Variants in SREBF2 observed in about 807,000 individuals in gnomAD.
The protein encoded by SREBF2 is sterol regulatory element binding transcription factor 2.
A neutral mutation model predicts 113.1 loss-of-function variants in SREBF2; 55 were observed. The observed-to-expected ratio is 0.49, with a 90% confidence interval of 0.39 to 0.61. The LOEUF (loss-of-function observed/expected upper bound fraction) is 0.61. Among genes scored for constraint, SREBF2 ranks in the 20% least tolerant of loss-of-function variants. The probability of loss-of-function intolerance (pLI) is 0.00; values close to 1 mark genes in which losing one functional copy is unlikely to be tolerated. For synonymous variants in SREBF2, 593 were observed against 605.7 expected, an observed-to-expected ratio of 0.98 and a Z score of 0.31; for missense variants, 1,349 against 1,487.4, an observed-to-expected ratio of 0.91 and a Z score of 1.53.
rs2076729475 is a variant in SREBF2 at position 41,833,255 on chromosome 22, T to G, written c.-16T>G. 14 of 1,517,576 alleles carry G rather than the reference T, an allele frequency of 9.2e-6. No individual in the cohort carries two copies. The highest frequency in any genetic ancestry group is 1.2e-5 in the Non-Finnish European group (14 of 1,133,076). The allele number at this position is 1,517,576 out of a possible 1,614,324, so 94.0% of individuals were successfully genotyped here. ...TGAGCGGGACGGCAGGGGGGGCTTC[T>G]GCGCTGAGCCGGGCGATGGACGACA... On this transcript the variant is annotated 5_prime_UTR_variant, in exon 1 of 19. Transcript: ENST00000361204. The surrounding 1 kb of genome is among the most constrained non-coding windows in gnomAD (Gnocchi z 4.1).
intron 16 of SREBF2, chr22:41,901,135 G>A (rs2077462542): frequency 8.1e-6 from 3 of 369,316 alleles, no homozygotes; most frequent in African/African-American, 4.3e-5. Context: ...CAGGAAACAG[G>A]AGGGCACCCA....
rs554355433 is a variant in SREBF2, at chr22:41,873,910, A to G, written c.980A>G (p.Lys327Arg). Reference protein sequence around the residue: ...PGGVKQLEPPKEGERRTTHNI... With the variant: ...PGGVKQLEPPREGERRTTHNI... ...GGAGTCAAGCAGCTTGAGCCCCCCA[A>G]AGAAGGAGAAAGGCGGACAACCCAT... The change falls in exon 5 of 19, where the codon AAA (lysine) becomes AGA (arginine). Residue 327 changes from lysine to arginine, a missense_variant. By Grantham distance (26) the Lys-to-Arg change is conservative. Around this residue, in one of 2 missense-constraint regions of SREBF2, gnomAD observed 699 missense variants for 843.3 expected, o/e 0.83. Coordinates refer to ENST00000361204, the MANE Select transcript of SREBF2 (RefSeq NM_004599.4). 1.9e-6 allele frequency: 3 copies of G among 1,614,184 alleles called. No homozygotes were observed. The highest frequency in any genetic ancestry group is 2.5e-6 in the Non-Finnish European group (3 of 1,180,032).
At chr22:41,884,567 G>A (rs566829658) in intron 10 of SREBF2, among the ~76,000 whole-genome samples, 35 of 152,268 alleles carry the variant, frequency 2.3e-4, no homozygotes, top group African/African-American at 7.9e-4. Flanking sequence ...TGCACTGTGC[G>A]CCTCTGAGTC....
chr22:41,854,738 A>C (rs1038979106), intron 1 of SREBF2, among the ~76,000 whole-genome samples: 2 of 151,656 alleles, frequency 1.3e-5, no homozygotes, highest in Non-Finnish European at 2.9e-5. Context: ...GTTTGGTGGT[A>C]CGTGCCTGTA....
chr22:41,873,702 TG>T, intron 4 of SREBF2, 95 bp from the exon 5 acceptor site: 1 of 1,248,746 alleles, frequency 8.0e-7, no homozygotes, highest in Non-Finnish European at 1.1e-6. Context: ...CTGCCAGGTC[TG>T]GCAGCACTTG....
chr22:41,839,761 C>T (rs1050104146), intron 1 of SREBF2, among the ~76,000 whole-genome samples: 15 of 152,116 alleles, frequency 9.9e-5, no homozygotes, highest in African/African-American at 3.6e-4. Context: ...TCTGTTTTAT[C>T]TACTCTTCAG....
At chr22:41,870,828 A>G (rs910882592) in intron 3 of SREBF2, 61 bp from the exon 4 acceptor site, 15 of 1,587,550 alleles carry the variant, frequency 9.4e-6, no homozygotes, top group Non-Finnish European at 1.2e-5. Flanking sequence ...GCAGTAAGAA[A>G]GGAATGCATA....
chr22:41,836,151 T>C (rs1602258759), intron 1 of SREBF2, among the ~76,000 whole-genome samples: 1 of 152,350 alleles, frequency 6.6e-6, no homozygotes, highest in East Asian at 1.9e-4. Flanking sequence ...AAAATAGTTA[T>C]ATACCGCACA....
chr22:41,846,225 G>T (rs1329137166), intron 1 of SREBF2, among the ~76,000 whole-genome samples: 1 of 152,208 alleles, frequency 6.6e-6, no homozygotes. Flanking sequence ...GAACAGAAAA[G>T]GATTTGTTAG....
At chr22:41,869,789 G>A (rs1467297571) in intron 3 of SREBF2, among the ~76,000 whole-genome samples, 1 of 151,788 alleles carries the variant, frequency 6.6e-6, no homozygotes, top group African/African-American at 2.4e-5. Context: ...CCAGCTGGGG[G>A]ACGTGTATTA....
chr22:41,834,875 C>T (rs140644998), intron 1 of SREBF2, among the ~76,000 whole-genome samples: 94 of 152,262 alleles, frequency 6.2e-4, no homozygotes, highest in African/African-American at 2.1e-3. Flanking sequence ...CTGTGCCAGA[C>T]GGTGTTAAAC....
rs6002524 is a variant in SREBF2, at chr22:41,892,990, T to G, written c.2209-127T>G. 0.094 allele frequency: 108,090 copies of G among 1,151,196 alleles called. 6,719 individuals carry two copies. The highest frequency in any genetic ancestry group is 0.3 in the African/African-American group (19,798 of 65,968). The allele number at this position is 1,151,196 out of a possible 1,614,324, so 71.3% of individuals were successfully genotyped here. A position where few individuals can be genotyped will look rare whatever the true frequency, so the allele number is the denominator to read the frequency against. On this transcript the variant is annotated intron_variant, in intron 11 of 18. Transcript: ENST00000361204. ...CTTTCAGGTACCTGTGGGAGTCCTA[T>G]CCCTGTGCTGATCTTTCCCAGTCTC...
chr22:41,891,989 C>T (rs780328405), intron 11 of SREBF2, among the ~76,000 whole-genome samples: 1 of 152,168 alleles, frequency 6.6e-6, no homozygotes, highest in African/African-American at 2.4e-5. Context: ...GCCCAGTGAC[C>T]GGGGCCCTGG....
intron 18 of SREBF2, 76 bp from the exon 19 acceptor site, chr22:41,905,364 G>A: frequency 7.4e-7 from 1 of 1,353,406 alleles, no homozygotes; most frequent in Non-Finnish European, 1.0e-6. Context: ...TTCAGTGAAT[G>A]AGTCCAGGTA....
At chr22:41,895,582 C>T (rs1357891506) in intron 13 of SREBF2, among the ~76,000 whole-genome samples, 2 of 151,650 alleles carry the variant, frequency 1.3e-5, no homozygotes, top group African/African-American at 4.8e-5. Flanking sequence ...ATTACAGGCG[C>T]CCACCACCAT....
chr22:41,896,947 G>A (rs1243023738), intron 13 of SREBF2, 105 bp from the exon 14 acceptor site: 2 of 770,150 alleles, frequency 2.6e-6, no homozygotes, highest in Non-Finnish European at 4.5e-6. Flanking sequence ...GAAAGGGACA[G>A]AAATGGCCAT....
In SREBF2 at chr22:41,873,943, T is replaced by C. The variant is rs1378238691; in HGVS notation, c.1013T>C (p.Ile338Thr). 6.2e-7 allele frequency: 1 copy of C among 1,614,104 alleles called. No individual in the cohort carries two copies. The highest frequency in any genetic ancestry group is 8.5e-7 in the Non-Finnish European group (1 of 1,180,020). The change falls in exon 5 of 19, where the codon ATT (isoleucine) becomes ACT (threonine). Residue 338 changes from isoleucine to threonine, a missense_variant. Ile to Thr is a moderately conservative substitution (Grantham distance 89). This residue lies in a region of SREBF2 where 699 missense variants were observed against 843.3 expected (regional missense o/e 0.83). Transcript: ENST00000361204. ...GAAAGGCGGACAACCCATAATATCA[T>C]TGAGAAACGATATCGCTCCTCCATC... ...EGERRTTHNIIEKRYRSSIND... is the reference protein window; with the variant it reads ...EGERRTTHNITEKRYRSSIND...
At position 41,894,806 on chromosome 22, in the gene SREBF2, T is replaced by C. The variant is rs1197318151; in HGVS notation, c.2378-14T>C. The C allele has an allele frequency of 1.9e-6, 3 of 1,612,678 alleles. No individual in the cohort carries two copies. The Admixed American group carries it at 5.0e-5, about 27-fold the overall frequency. ...TGAGCTCCATTTAACCCCCCTTGCC[T>C]GTCTCTTTTCCAGCTGACCCCATTG... On this transcript the variant is annotated splice_polypyrimidine_tract_variant and intron_variant, in intron 12 of 18. Transcript: ENST00000361204.
At chr22:41,857,164 G>T (rs2076984882) in intron 1 of SREBF2, among the ~76,000 whole-genome samples, 1 of 152,172 alleles carries the variant, frequency 6.6e-6, no homozygotes, top group South Asian at 2.1e-4. Context: ...GGCTATGGTT[G>T]AAATTAAGGC....
Sources: allele counts gnomAD v4.1 joint callset (sites outside exome capture counted in the v4.1 genomes callset), GRCh38; gene constraint gnomAD v4.1.1; regional missense constraint gnomAD v4.1.1; non-coding constraint Gnocchi (gnomAD v3.1); transcripts MANE v1.5; gene names NCBI Gene and HGNC (gene_info 2026-07-23, HGNC 2026-07-21).